The following FGD4 variants were observed in gnomAD, a reference collection of about 807,000 sequenced individuals.
The protein encoded by FGD4 is FYVE, RhoGEF and PH domain-containing protein 4.
A neutral mutation model predicts 102.0 loss-of-function variants in FGD4; 42 were observed. The ratio of observed to expected loss-of-function variants is 0.41; its 90% CI spans 0.32 to 0.53. The LOEUF is 0.53. Among genes scored for constraint, FGD4 ranks in the 20% least tolerant of loss-of-function variants. The pLI, the probability that FGD4 is intolerant of heterozygous loss-of-function variation, is 0.21. For synonymous variants in FGD4, 380 were observed against 375.7 expected, an observed-to-expected ratio of 1.01 and a Z score of -0.13; for missense variants, 902 against 1,078.2, an observed-to-expected ratio of 0.84 and a Z score of 2.29.
chr12:32,425,834 G>T (rs1198253691), intron 1 of FGD4, among the ~76,000 whole-genome samples: 1 of 152,088 alleles, frequency 6.6e-6, no homozygotes, highest in Non-Finnish European at 1.5e-5. Flanking sequence ...CTCTTTAGCA[G>T]TTGTGAATGG....
chr12:32,537,245 A>G (rs1337684466), intron 1 of FGD4, among the ~76,000 whole-genome samples: 2 of 152,054 alleles, frequency 1.3e-5, no homozygotes, highest in Non-Finnish European at 2.9e-5. Flanking sequence ...AGTCCCAAAA[A>G]CCTAGTCTTC....
intron 2 of FGD4, among the ~76,000 whole-genome samples, chr12:32,574,301 A>G (rs1945939278): frequency 6.6e-6 from 1 of 151,874 alleles, no homozygotes; most frequent in Non-Finnish European, 1.5e-5. Flanking sequence ...TATTCTAGCT[A>G]AGAATGTTGA....
At chr12:32,579,205 G>A (rs1027380877) in intron 3 of FGD4, among the ~76,000 whole-genome samples, 7 of 151,790 alleles carry the variant, frequency 4.6e-5, no homozygotes, top group Non-Finnish European at 1.0e-4. Context: ...GCACCACCAC[G>A]CCTGGCTAAT....
chr12:32,502,488 A>G (rs907175366), intron 1 of FGD4: 6 of 317,506 alleles, frequency 1.9e-5, no homozygotes, highest in African/African-American at 2.3e-5. Flanking sequence ...ATGCAGTTCA[A>G]TAATGCCTAT....
intron 1 of FGD4, among the ~76,000 whole-genome samples, chr12:32,504,656 G>A (rs1938533593): frequency 6.6e-6 from 1 of 152,150 alleles, no homozygotes; most frequent in Non-Finnish European, 1.5e-5. Context: ...TGACAAGCTT[G>A]TATTTATGCT....
At chr12:32,466,693 C>A (rs890232877) in intron 1 of FGD4, among the ~76,000 whole-genome samples, 4 of 151,816 alleles carry the variant, frequency 2.6e-5, no homozygotes, top group African/African-American at 7.3e-5. Flanking sequence ...TATGGCGTAA[C>A]CCTGTCTCTA....
intron 1 of FGD4, among the ~76,000 whole-genome samples, chr12:32,425,386 T>C (rs888129590): frequency 1.3e-5 from 2 of 152,182 alleles, no homozygotes; most frequent in African/African-American, 4.8e-5. Context: ...TGGTTGTAGG[T>C]GTGTGGCGTT....
At chr12:32,637,016 A>C in intron 15 of FGD4, among the ~76,000 whole-genome samples, 1 of 146,802 alleles carries the variant, frequency 6.8e-6, no homozygotes, top group Non-Finnish European at 1.5e-5. Flanking sequence ...GATTACAAGC[A>C]TGTGCCACCA....
chr12:32,626,853 T>G (rs1166016793), intron 14 of FGD4, among the ~76,000 whole-genome samples: 1 of 152,164 alleles, frequency 6.6e-6, no homozygotes, highest in South Asian at 2.1e-4. Context: ...TTTTGTTTTG[T>G]TTTTTGTTTT....
rs555889914 is a variant in FGD4 at position 32,466,622 on chromosome 12, C to T, written c.166+66663C>T. On this transcript the variant is annotated intron_variant, in intron 1 of 16. Coordinates refer to ENST00000534526, the MANE Select transcript of FGD4 (RefSeq NM_001370298.3). Reference sequence around the variant, plus strand: ...GTGGCTCACAGCTGAAATTCTAGCACTTTGGGAGGCTGAGGTGGGTGGATT... The same window carrying T: ...GTGGCTCACAGCTGAAATTCTAGCATTTTGGGAGGCTGAGGTGGGTGGATT... Among the ~76,000 whole-genome samples the T allele has an allele frequency of 2.0e-5, 3 of 152,142 alleles. No homozygotes were observed. The East Asian group carries it at 5.8e-4, about 29-fold the overall frequency.
At chr12:32,491,000 C>G (rs2136576670) in intron 1 of FGD4, among the ~76,000 whole-genome samples, 1 of 152,120 alleles carries the variant, frequency 6.6e-6, no homozygotes, top group East Asian at 1.9e-4. Context: ...ATTCAGTCTA[C>G]AATACAGTTC....
At chr12:32,471,140 A>G (rs1009922965) in intron 1 of FGD4, among the ~76,000 whole-genome samples, 6 of 151,982 alleles carry the variant, frequency 3.9e-5, no homozygotes, top group African/African-American at 7.2e-5. Flanking sequence ...CTTCCCCCCA[A>G]CCCCCACACC....
At chr12:32,609,362 G>T (rs1230860218) in intron 8 of FGD4, among the ~76,000 whole-genome samples, 1 of 152,008 alleles carries the variant, frequency 6.6e-6, no homozygotes, top group Non-Finnish European at 1.5e-5. Context: ...TCACCTGACT[G>T]CTTGATTTGA....
At chr12:32,622,207 T>C (rs1949884827) in intron 11 of FGD4, among the ~76,000 whole-genome samples, 2 of 152,168 alleles carry the variant, frequency 1.3e-5, no homozygotes, top group African/African-American at 2.4e-5. Flanking sequence ...CTGATCATCA[T>C]AGTTTTCATT....
At chr12:32,543,049 C>G (rs551612851) in intron 1 of FGD4, among the ~76,000 whole-genome samples, 51 of 152,294 alleles carry the variant, frequency 3.3e-4, no homozygotes, top group African/African-American at 1.2e-3. Context: ...TCACAAGTCC[C>G]AGGCATCCCG....
At chr12:32,436,982 G>T (rs1045005024) in intron 1 of FGD4, among the ~76,000 whole-genome samples, 1 of 152,080 alleles carries the variant, frequency 6.6e-6, no homozygotes, top group South Asian at 2.1e-4. Context: ...GGTGGCGGGC[G>T]CCTGTAGTCC....
At chr12:32,584,210 G>A (rs190820224) in intron 4 of FGD4, among the ~76,000 whole-genome samples, 16 of 152,264 alleles carry the variant, frequency 1.1e-4, no homozygotes, top group African/African-American at 2.6e-4. Context: ...TCTGCAGAGC[G>A]GTTGATGCGA....
intron 1 of FGD4, chr12:32,485,939 A>C (rs1044049950): frequency 7.5e-5 from 95 of 1,274,150 alleles, no homozygotes; most frequent in African/African-American, 1.1e-4. Context: ...TGCCAGAAGA[A>C]GACTTATGAA....
At position 32,564,239 on chromosome 12, in the gene FGD4, TA is replaced by T. The variant is rs1419049200; in HGVS notation, c.272del (p.Asn91MetfsTer86). ...GTATCTGAAGAAGAGGCTCAGGGAA[TA>T]AATGGGAACAGGCCAGCAAAACACT... Reference protein sequence around the residue: ...ENVSEEEAQGINGNRPAKHSA... With the variant: ...ENVSEEEAQGXNGNRPAKHSA... On this transcript the variant is annotated frameshift_variant, in exon 2 of 17. Coordinates refer to ENST00000534526, the MANE Select transcript of FGD4 (RefSeq NM_001370298.3). LOFTEE classifies it high-confidence loss of function. 1 of 1,535,974 alleles carries T rather than the reference TA, an allele frequency of 6.5e-7. No homozygotes were observed.
Sources: gnomAD v4.1 joint callset for allele counts (sites outside exome capture counted in the v4.1 genomes callset) on GRCh38, gnomAD v4.1.1 for gene constraint, MANE v1.5 for transcripts, NCBI Gene and HGNC (gene_info 2026-07-23, HGNC 2026-07-21) for gene names.